The following ASAP1 variants were observed in gnomAD, a reference collection of about 807,000 sequenced individuals.
ASAP1 encodes arf-GAP with SH3 domain, ANK repeat and PH domain-containing protein 1.
ASAP1 carries 43 observed loss-of-function variants against 145.2 expected under a neutral mutation model. The observed-to-expected ratio is 0.30, with a 90% CI of 0.23 to 0.38. ASAP1 has a LOEUF of 0.38. Ranked by LOEUF, ASAP1 falls within the 10% of genes least tolerant of loss-of-function variation. ASAP1 has a pLI of 1.00. For synonymous variants in ASAP1, 546 were observed against 515.5 expected, an observed-to-expected ratio of 1.06 and a Z score of -0.80; for missense variants, 1,018 against 1,355.3, an observed-to-expected ratio of 0.75 and a Z score of 3.91.
intron 13 of ASAP1, among the ~76,000 whole-genome samples, chr8:130,143,969 C>G (rs1206119475): frequency 6.6e-6 from 1 of 152,146 alleles, no homozygotes; most frequent in Non-Finnish European, 1.5e-5. Context: ...GGAAAATAGG[C>G]CTGACCCAGC....
At position 130,324,700 on chromosome 8, in the gene ASAP1, G is replaced by C. The variant is rs375858484; in HGVS notation, c.186+33317C>G. On this transcript the variant is annotated intron_variant, in intron 3 of 29. Coordinates refer to ENST00000518721, the MANE Select transcript of ASAP1 (RefSeq NM_018482.4). The stretch of plus-strand genomic sequence containing the variant: ...GAGGCCTCCAAGTCTATGGATACAA[G>C]AATAGGGCTGGGAAATTTCAGTGGT... 1.3e-3 allele frequency among the ~76,000 whole-genome samples: 205 copies of C among 152,300 alleles called. 4 individuals are homozygous for C. The South Asian group carries it at 0.041, about 31-fold the overall frequency.
chr8:130,121,897 G>A (rs942471084), intron 18 of ASAP1, among the ~76,000 whole-genome samples: 7 of 149,782 alleles, frequency 4.7e-5, no homozygotes, highest in Admixed American at 4.0e-4. Flanking sequence ...CAAATCCCCA[G>A]GCAGTCCATG....
At chr8:130,321,688 A>C (rs1158605171) in intron 3 of ASAP1, among the ~76,000 whole-genome samples, 1 of 152,198 alleles carries the variant, frequency 6.6e-6, no homozygotes, top group African/African-American at 2.4e-5. Context: ...AATGATTACT[A>C]GTCACTTAAA....
chr8:130,057,480 G>A (rs1249182577), intron 29 of ASAP1, among the ~76,000 whole-genome samples: 3 of 151,952 alleles, frequency 2.0e-5, no homozygotes, highest in African/African-American at 4.8e-5. Context: ...ATGGAGTCTC[G>A]CTCTGTTGCC....
At chr8:130,259,079 C>A (rs1342404080) in intron 3 of ASAP1, among the ~76,000 whole-genome samples, 1 of 152,018 alleles carries the variant, frequency 6.6e-6, no homozygotes, top group East Asian at 1.9e-4. Context: ...AAAAAATCTC[C>A]CCACAGAGTA....
At chr8:130,333,018 A>G (rs891542088) in intron 3 of ASAP1, among the ~76,000 whole-genome samples, 1 of 152,214 alleles carries the variant, frequency 6.6e-6, no homozygotes, top group African/African-American at 2.4e-5. Context: ...CAGTGATTCA[A>G]GCACAAAGCG....
chr8:130,200,662 T>A (rs562129850), intron 5 of ASAP1, among the ~76,000 whole-genome samples: 17 of 152,238 alleles, frequency 1.1e-4, no homozygotes, highest in African/African-American at 4.1e-4. Context: ...CCATAACAGA[T>A]AAGATTACTG....
intron 3 of ASAP1, among the ~76,000 whole-genome samples, chr8:130,298,921 C>T (rs1006774222): frequency 6.6e-6 from 1 of 152,198 alleles, no homozygotes; most frequent in African/African-American, 2.4e-5. Flanking sequence ...ATTAGGGCGG[C>T]AGAAAACACA....
In ASAP1 at chr8:130,367,952, GGA is replaced by G. The variant is rs1257921772; in HGVS notation, c.60-9811_60-9810del. The stretch of plus-strand genomic sequence containing the variant: ...GTAGGGCATTGCTCCACTTGAAACA[GGA>G]AAACTGCCCGCCCACTGCAGAGTTT... On this transcript the variant is annotated intron_variant, in intron 2 of 29. Coordinates refer to ENST00000518721, the MANE Select transcript of ASAP1 (RefSeq NM_018482.4). 4.6e-5 allele frequency among the ~76,000 whole-genome samples: 7 copies of G among 152,114 alleles called. No individual in the cohort carries two copies. In the East Asian group the frequency reaches 1.3e-3, roughly 29 times the overall value.
chr8:130,139,735 T>C (rs1174988474), intron 13 of ASAP1, among the ~76,000 whole-genome samples: 1 of 149,078 alleles, frequency 6.7e-6, no homozygotes, highest in Non-Finnish European at 1.5e-5. Context: ...AGACTCCATC[T>C]CAAAAAAACA....
intron 1 of ASAP1, among the ~76,000 whole-genome samples, chr8:130,437,498 C>A (rs966382747): frequency 7.2e-5 from 11 of 152,154 alleles, no homozygotes; most frequent in African/African-American, 2.7e-4. Context: ...GTTTTCCCAC[C>A]CACCGACCAT....
chr8:130,067,406 T>C (rs576779581), intron 27 of ASAP1, among the ~76,000 whole-genome samples: 2 of 152,284 alleles, frequency 1.3e-5, no homozygotes, highest in East Asian at 1.9e-4. Context: ...ATTTTACTGA[T>C]TGATTGATTG....
intron 25 of ASAP1, 57 bp downstream of exon 25, chr8:130,091,916 G>C: frequency 6.8e-7 from 1 of 1,462,064 alleles, no homozygotes; most frequent in African/African-American, 1.5e-5. Flanking sequence ...CTGCCCAGTG[G>C]AGCCCCACAC....
rs187906051 is a variant in ASAP1 at position 130,342,114 on chromosome 8, G to A, written c.186+15903C>T. On this transcript the variant is annotated intron_variant, in intron 3 of 29. Transcript: ENST00000518721. ...AAAGGAAAGTGTCGGTCCTGAGCCA[G>A]GGCATTCACGGTGAGGTGGAAAAGA... Among the ~76,000 whole-genome samples the A allele has an allele frequency of 5.3e-5, 8 of 152,296 alleles. No homozygotes were observed. The East Asian group carries it at 1.5e-3, about 29-fold the overall frequency.
At chr8:130,163,835 A>T (rs2097674578) in intron 11 of ASAP1, among the ~76,000 whole-genome samples, 1 of 152,208 alleles carries the variant, frequency 6.6e-6, no homozygotes, top group Non-Finnish European at 1.5e-5. Context: ...TGAACTTAAA[A>T]TCTTTTTAAT....
At chr8:130,200,518 T>G (rs771529005) in intron 5 of ASAP1, among the ~76,000 whole-genome samples, 13 of 152,104 alleles carry the variant, frequency 8.5e-5, no homozygotes, top group African/African-American at 1.4e-4. Context: ...AAAACCACAG[T>G]ATAAAATAGC....
rs149398203 is a variant in ASAP1 at position 130,417,421 on chromosome 8, C to T, written c.-27-15451G>A. 2.7e-3 allele frequency among the ~76,000 whole-genome samples: 417 copies of T among 152,336 alleles called. 1 individual carries two copies. The highest frequency in any genetic ancestry group is 9.5e-3 in the African/African-American group (395 of 41,572). On this transcript the variant is annotated intron_variant, in intron 1 of 29. Coordinates refer to ENST00000518721, the MANE Select transcript of ASAP1 (RefSeq NM_018482.4). ...CTTCATGTGCTGGGTCGGGACATTC[C>T]ATTGTCAGCCCGTTTCCTCTGTGGA...
At chr8:130,279,788 T>C (rs1268208568) in intron 3 of ASAP1, among the ~76,000 whole-genome samples, 2 of 152,094 alleles carry the variant, frequency 1.3e-5, no homozygotes, top group East Asian at 1.9e-4. Context: ...GGAAAGAACA[T>C]AGAGCGTTAA....
chr8:130,408,776 G>A (rs1342743936), intron 1 of ASAP1, among the ~76,000 whole-genome samples: 2 of 152,182 alleles, frequency 1.3e-5, no homozygotes, highest in East Asian at 1.9e-4. Context: ...AGGAAACTGA[G>A]GCTCACCAAA....
Sources: gnomAD v4.1 joint callset for allele counts (sites outside exome capture counted in the v4.1 genomes callset) on GRCh38, gnomAD v4.1.1 for gene constraint, MANE v1.5 for transcripts, NCBI Gene and HGNC (gene_info 2026-07-23, HGNC 2026-07-21) for gene names.